The following PLEKHH2 variants were observed in gnomAD, a reference collection of about 807,000 sequenced individuals.
PLEKHH2 encodes the protein pleckstrin homology, MyTH4 and FERM domain containing H2, also known as pleckstrin homology domain-containing family H member 2.
PLEKHH2 carries 129 observed loss-of-function variants against 187.9 expected under a neutral mutation model. That is an observed-to-expected ratio of 0.69 (90% CI 0.59 to 0.79). The LOEUF (loss-of-function observed/expected upper bound fraction) is 0.79. Among genes scored for constraint, PLEKHH2 ranks in the 30% least tolerant of loss-of-function variants. The pLI is 0.00. For synonymous variants in PLEKHH2, 686 were observed against 605.6 expected (o/e 1.13, Z -1.95); for missense variants, 2,076 against 1,751.2 (o/e 1.19, Z -3.31).
chr2:43,709,864 A>T, intron 11 of PLEKHH2, 126 bp from the exon 12 acceptor site: 1 of 969,220 alleles, frequency 1.0e-6, no homozygotes, highest in Non-Finnish European at 1.5e-6. Flanking sequence ...CAAAGGAATG[A>T]GAATAAATCT....
intron 20 of PLEKHH2, among the ~76,000 whole-genome samples, chr2:43,738,813 C>T (rs1452215335): frequency 6.6e-6 from 1 of 152,102 alleles, no homozygotes; most frequent in African/African-American, 2.4e-5. Flanking sequence ...AGACATTCTT[C>T]AAAACATTAA....
chr2:43,735,246 G>A (rs1364194807), intron 19 of PLEKHH2, among the ~76,000 whole-genome samples: 4 of 152,034 alleles, frequency 2.6e-5, no homozygotes, highest in East Asian at 1.9e-4. Flanking sequence ...CAGCCATTAC[G>A]AAAAACAAAG....
chr2:43,729,979 C>A (rs927838873), intron 18 of PLEKHH2, among the ~76,000 whole-genome samples: 4 of 152,062 alleles, frequency 2.6e-5, no homozygotes, highest in Non-Finnish European at 5.9e-5. Context: ...GCTTCCACTG[C>A]TCCTCTGCTT....
intron 18 of PLEKHH2, 80 bp from the exon 19 acceptor site, chr2:43,731,410 A>G (rs1472878790): frequency 2.2e-6 from 2 of 922,252 alleles, no homozygotes; most frequent in East Asian, 2.6e-5. Context: ...GAATGAGCTA[A>G]TGTCTAAAGG....
intron 14 of PLEKHH2, chr2:43,711,822 A>G (rs1669980916): frequency 3.8e-6 from 2 of 525,740 alleles, no homozygotes; most frequent in Non-Finnish European, 5.0e-6. Flanking sequence ...TGAACCCAGG[A>G]GGCGGAGCTT....
chr2:43,701,969 A>G (rs1338442778), intron 8 of PLEKHH2, among the ~76,000 whole-genome samples: 1 of 152,130 alleles, frequency 6.6e-6, no homozygotes, highest in Non-Finnish European at 1.5e-5. Flanking sequence ...GGGTTTCACC[A>G]TGTTGGCCAG....
intron 3 of PLEKHH2, chr2:43,681,308 T>C (rs1668171037): frequency 8.7e-6 from 7 of 800,860 alleles, no homozygotes; most frequent in Non-Finnish European, 1.2e-5. Context: ...TCTGTCTGTG[T>C]TGGTGAGGAA....
chr2:43,709,784 C>T (rs568139529), intron 11 of PLEKHH2, among the ~76,000 whole-genome samples: 2 of 152,192 alleles, frequency 1.3e-5, no homozygotes, highest in East Asian at 1.9e-4. Flanking sequence ...TGCAGTGAGC[C>T]GAGATTGTGC....
chr2:43,668,029 T>G (rs970442394), intron 2 of PLEKHH2, among the ~76,000 whole-genome samples: 20 of 152,142 alleles, frequency 1.3e-4, no homozygotes, highest in African/African-American at 3.6e-4. Context: ...AGCATTCTTT[T>G]TTGTTGTTGT....
chr2:43,731,398 C>G (rs1428530895), intron 18 of PLEKHH2, 92 bp from the exon 19 acceptor site: 27 of 833,054 alleles, frequency 3.2e-5, no homozygotes, highest in Non-Finnish European at 5.0e-5. Flanking sequence ...TGAGCCAAGC[C>G]TGAATGAGCT....
intron 27 of PLEKHH2, among the ~76,000 whole-genome samples, chr2:43,760,480 A>G (rs1672382800): frequency 6.7e-6 from 1 of 148,926 alleles, no homozygotes; most frequent in African/African-American, 2.5e-5. Flanking sequence ...CTCACGCTTC[A>G]GCCTTCCAAG....
chr2:43,683,142 C>CTTT (rs34805310), intron 3 of PLEKHH2, among the ~76,000 whole-genome samples: 2,361 of 94,524 alleles, frequency 0.025, 145 homozygotes, highest in Non-Finnish European at 0.033. Flanking sequence ...TTTATATACC[C>CTTT]TTTTTTTTTT....
intron 19 of PLEKHH2, among the ~76,000 whole-genome samples, chr2:43,733,589 A>T (rs1671150644): frequency 6.6e-6 from 1 of 152,124 alleles, no homozygotes; most frequent in Non-Finnish European, 1.5e-5. Context: ...ATTAGATAAT[A>T]TGGAATTATT....
chr2:43,649,939 G>T (rs1666382264), intron 2 of PLEKHH2, among the ~76,000 whole-genome samples: 1 of 152,080 alleles, frequency 6.6e-6, no homozygotes, highest in Admixed American at 6.5e-5. Context: ...GGCTCTGTAA[G>T]TATACAGGCT....
chr2:43,668,263 C>A (rs192894199), intron 2 of PLEKHH2, among the ~76,000 whole-genome samples: 3 of 152,266 alleles, frequency 2.0e-5, no homozygotes, highest in African/African-American at 7.2e-5. Flanking sequence ...AATTCCTGAC[C>A]TCAGGTAATT....
At chr2:43,668,708 C>A (rs995099024) in intron 2 of PLEKHH2, among the ~76,000 whole-genome samples, 13 of 152,142 alleles carry the variant, frequency 8.5e-5, no homozygotes, top group African/African-American at 2.2e-4. Context: ...CACAATGGTA[C>A]CTGTCTGTAG....
intron 3 of PLEKHH2, among the ~76,000 whole-genome samples, chr2:43,683,942 A>G (rs1668367803): frequency 6.6e-6 from 1 of 152,122 alleles, no homozygotes; most frequent in African/African-American, 2.4e-5. Context: ...GCTTTCATAT[A>G]TCCTCTCCCC....
intron 2 of PLEKHH2, among the ~76,000 whole-genome samples, chr2:43,646,609 T>C (rs1240872563): frequency 1.3e-5 from 2 of 152,234 alleles, no homozygotes; most frequent in Non-Finnish European, 2.9e-5. Context: ...GAAAGCATGT[T>C]GCAGCAAGTT....
chr2:43,766,899 C>T lies in PLEKHH2; in HGVS notation c.*1301C>T, dbSNP rs886587133. 1 of 152,358 alleles carries T rather than the reference C, an allele frequency of 6.6e-6. No homozygotes were observed. Among genetic ancestry groups the T allele is most frequent in the Admixed American group, 6.6e-5 (1 of 15,256 alleles). 9.4% of individuals were successfully genotyped at this position (152,358 alleles called of 1,614,324 possible). On this transcript the variant is annotated 3_prime_UTR_variant, in exon 30 of 30. Coordinates refer to ENST00000282406, the MANE Select transcript of PLEKHH2 (RefSeq NM_172069.4). ...AGGCATGAGCCACCGTGCCCAGCCT[C>T]AAAAATATTTTTTAAAAGAAAAGAG...
Sources: gnomAD v4.1 joint callset for allele counts (sites outside exome capture counted in the v4.1 genomes callset) on GRCh38, gnomAD v4.1.1 for gene constraint, MANE v1.5 for transcripts, NCBI Gene and HGNC (gene_info 2026-07-23, HGNC 2026-07-21) for gene names.